Variants in PTPRZ1 observed in about 807,000 individuals in gnomAD.
PTPRZ1 encodes the protein receptor-type tyrosine-protein phosphatase zeta.
In PTPRZ1, 82 loss-of-function variants were observed where a neutral mutation model predicts 214.1. The ratio of observed to expected loss-of-function variants is 0.38; its 90% CI spans 0.32 to 0.46. The LOEUF (loss-of-function observed/expected upper bound fraction) is 0.46, where lower values mean the gene tolerates loss of function less well. Ranked by LOEUF, PTPRZ1 falls within the 20% of genes least tolerant of loss-of-function variation. The probability of loss-of-function intolerance (pLI) is 1.00; values close to 1 mark genes in which losing one functional copy is unlikely to be tolerated. For missense variants in PTPRZ1, 2,603 were observed against 2,748.7 expected (o/e 0.95, Z 1.19); for synonymous variants, 945 against 987.9 (o/e 0.96, Z 0.81).
chr7:121,959,637 C>T (rs1432452725), intron 2 of PTPRZ1, among the ~76,000 whole-genome samples: 2 of 152,124 alleles, frequency 1.3e-5, no homozygotes, highest in Admixed American at 6.5e-5. Flanking sequence ...TTTGAGGAAG[C>T]CCCTTTTTTC....
Position 121,887,064 on chromosome 7 carries a change from G to GGAACTTTCT in PTPRZ1, c.58+13507_58+13508insGAACTTTCT, listed in dbSNP as rs11282041. On this transcript the variant is annotated intron_variant, in intron 1 of 29. Coordinates refer to ENST00000393386, the MANE Select transcript of PTPRZ1 (RefSeq NM_002851.3). ...TCCTGTTGTCTTTTACTTTGTCTGT[G>GGAACTTTCT]CTAACACATCATTGTCCCCTTCCAC... Among the ~76,000 whole-genome samples, 824 of 151,576 alleles carry GGAACTTTCT rather than the reference G, an allele frequency of 5.4e-3. 9 individuals carry two copies. Among genetic ancestry groups the GGAACTTTCT allele is most frequent in the African/African-American group, 0.019 (769 of 41,346 alleles).
intron 29 of PTPRZ1, among the ~76,000 whole-genome samples, chr7:122,060,415 G>A (rs903839253): frequency 2.0e-5 from 3 of 152,134 alleles, no homozygotes; most frequent in Non-Finnish European, 2.9e-5. Flanking sequence ...CATGGTTTTC[G>A]GCTATGATGC....
At position 122,061,624 on chromosome 7, in the gene PTPRZ1, G is replaced by A. The variant is rs1792580294; in HGVS notation, c.*404G>A. 1.3e-5 allele frequency: 2 copies of A among 153,112 alleles called. No individual in the cohort carries two copies. Among genetic ancestry groups the A allele is most frequent in the South Asian group, 2.1e-4 (1 of 4,848 alleles). The allele number at this position is 153,112 out of a possible 1,614,324, so 9.5% of individuals were successfully genotyped here. Reference sequence around the variant, plus strand: ...AATATAACTTTTAATACAGTAGCCTGTAAATAAAACACTCTTCCATATGAT... The same window carrying A: ...AATATAACTTTTAATACAGTAGCCTATAAATAAAACACTCTTCCATATGAT... On this transcript the variant is annotated 3_prime_UTR_variant, in exon 30 of 30. Coordinates refer to ENST00000393386, the MANE Select transcript of PTPRZ1 (RefSeq NM_002851.3).
intron 22 of PTPRZ1, among the ~76,000 whole-genome samples, chr7:122,043,469 G>A (rs902692832): frequency 3.9e-5 from 6 of 152,072 alleles, no homozygotes; most frequent in Admixed American, 1.3e-4. Context: ...TAGTTTACCC[G>A]TAAGTGACAG....
chr7:121,964,396 C>T (rs529751728), intron 2 of PTPRZ1, among the ~76,000 whole-genome samples: 3 of 152,092 alleles, frequency 2.0e-5, no homozygotes, highest in Admixed American at 6.6e-5. Flanking sequence ...CAGAGTCAAG[C>T]GAAGGGGGAA....
intron 29 of PTPRZ1, among the ~76,000 whole-genome samples, chr7:122,060,226 G>A (rs2150497830): frequency 6.6e-6 from 1 of 152,252 alleles, no homozygotes; most frequent in African/African-American, 2.4e-5. Context: ...CAAAGCTCCA[G>A]CCTAGACCAG....
intron 13 of PTPRZ1, among the ~76,000 whole-genome samples, chr7:122,025,615 G>T (rs984370513): frequency 1.3e-5 from 2 of 152,188 alleles, no homozygotes; most frequent in African/African-American, 4.8e-5. Flanking sequence ...ACAGGCATGA[G>T]CCACCACGCC....
intron 29 of PTPRZ1, among the ~76,000 whole-genome samples, 192 bp from the exon 30 acceptor site, chr7:122,060,888 C>G (rs1163606415): frequency 6.6e-6 from 1 of 152,118 alleles, no homozygotes; most frequent in African/African-American, 2.4e-5. Context: ...GAATGGTCTG[C>G]CGATTGCAAC....
At chr7:121,946,526 T>G (rs1796379814) in intron 2 of PTPRZ1, among the ~76,000 whole-genome samples, 2 of 152,098 alleles carry the variant, frequency 1.3e-5, no homozygotes, top group Admixed American at 1.3e-4. Flanking sequence ...AGAGCTCCAA[T>G]AAACAGTGGT....
At chr7:121,972,257 A>G (rs1271902922) in intron 3 of PTPRZ1, among the ~76,000 whole-genome samples, 1 of 151,990 alleles carries the variant, frequency 6.6e-6, no homozygotes. Flanking sequence ...TTCAAGTAAC[A>G]GCTATCTTAG....
At chr7:121,997,835 C>A (rs367831245) in intron 9 of PTPRZ1, 45 bp from the exon 10 acceptor site, 2 of 1,550,588 alleles carry the variant, frequency 1.3e-6, no homozygotes, top group Admixed American at 3.6e-5. Context: ...TGTTGGTAGT[C>A]CTATGAGAAT....
rs530104740 is a variant in PTPRZ1 at position 121,899,533 on chromosome 7, T to C, written c.58+25976T>C. ...ATTTCATTTGAACAGAATGGTATTG[T>C]AGGGACATTATCTAGTTTCTTTCAG... On this transcript the variant is annotated intron_variant, in intron 1 of 29. Coordinates refer to ENST00000393386, the MANE Select transcript of PTPRZ1 (RefSeq NM_002851.3). Among the ~76,000 whole-genome samples, 5 of 152,330 alleles carry C rather than the reference T, an allele frequency of 3.3e-5. No homozygotes were observed. The South Asian group carries it at 6.2e-4, about 19-fold the overall frequency.
chr7:121,943,976 T>C (rs1796304274), intron 2 of PTPRZ1, among the ~76,000 whole-genome samples: 1 of 152,228 alleles, frequency 6.6e-6, no homozygotes, highest in South Asian at 2.1e-4. Flanking sequence ...TGAGGTATAT[T>C]GACATTTAAA....
chr7:121,936,141 G>A (rs533319252), intron 2 of PTPRZ1, among the ~76,000 whole-genome samples: 4 of 152,224 alleles, frequency 2.6e-5, no homozygotes, highest in Non-Finnish European at 5.9e-5. Context: ...TTTGTTTTCT[G>A]TATGGTAATT....
At chr7:122,031,072 C>T (rs559882744) in intron 14 of PTPRZ1, among the ~76,000 whole-genome samples, 3 of 152,064 alleles carry the variant, frequency 2.0e-5, no homozygotes, top group Admixed American at 2.0e-4. Flanking sequence ...ATTTATTATG[C>T]TTGGTCCACA....
chr7:121,953,886 G>A (rs1187676140), intron 2 of PTPRZ1, among the ~76,000 whole-genome samples: 7 of 152,062 alleles, frequency 4.6e-5, no homozygotes, highest in Admixed American at 4.6e-4. Flanking sequence ...GGATGACAAG[G>A]GACTCAGCAA....
At chr7:121,910,890 G>A (rs1795252710) in intron 1 of PTPRZ1, among the ~76,000 whole-genome samples, 1 of 152,142 alleles carries the variant, frequency 6.6e-6, no homozygotes, top group African/African-American at 2.4e-5. Context: ...GGAATGTCAA[G>A]ATTCTAGTAT....
intron 1 of PTPRZ1, 31 bp downstream of exon 1, chr7:121,873,588 C>A: frequency 1.2e-6 from 2 of 1,611,518 alleles, no homozygotes; most frequent in Non-Finnish European, 1.7e-6. Flanking sequence ...GGGGTTTCAG[C>A]TCCGGGATCG....
At chr7:121,992,348 A>T (rs1797993463) in intron 8 of PTPRZ1, among the ~76,000 whole-genome samples, 1 of 152,158 alleles carries the variant, frequency 6.6e-6, no homozygotes, top group Non-Finnish European at 1.5e-5. Context: ...CAGCCAAGGA[A>T]TGCATTTGCA....
Sources: allele counts gnomAD v4.1 joint callset (sites outside exome capture counted in the v4.1 genomes callset), GRCh38; gene constraint gnomAD v4.1.1; transcripts MANE v1.5; gene names NCBI Gene and HGNC (gene_info 2026-07-23, HGNC 2026-07-21).